The following PLCL1 variants were observed in gnomAD, a reference collection of about 807,000 sequenced individuals.
PLCL1 encodes the protein phospholipase C like 1 (inactive), also known as inactive phospholipase C-like protein 1.
PLCL1 carries 41 observed loss-of-function variants against 84.4 expected under a neutral mutation model. That is an observed-to-expected ratio of 0.49 (90% confidence interval 0.38 to 0.63). The LOEUF is 0.63. Ranked by LOEUF, PLCL1 falls within the 30% of genes least tolerant of loss-of-function variation. The probability of loss-of-function intolerance (pLI) is 0.00; values close to 1 mark genes in which losing one functional copy is unlikely to be tolerated. For missense variants in PLCL1, 1,206 were observed against 1,367.8 expected (o/e 0.88, Z 1.87); for synonymous variants, 490 against 488.3 (o/e 1.00, Z -0.05).
rs547413450 is a variant in PLCL1 at position 197,834,979 on chromosome 2, A to G, written c.240+29640A>G. Among the ~76,000 whole-genome samples the G allele has an allele frequency of 3.9e-5, 6 of 152,354 alleles. No individual in the cohort carries two copies. The South Asian group carries it at 1.2e-3, about 32-fold the overall frequency. Reference sequence around the variant, plus strand: ...GAATACTATGTAGCCATAAAAAAGGATGAGTTCATGTCCTTTGTAGAGACA... The same window carrying G: ...GAATACTATGTAGCCATAAAAAAGGGTGAGTTCATGTCCTTTGTAGAGACA... On this transcript the variant is annotated intron_variant, in intron 1 of 5. Coordinates refer to ENST00000428675, the MANE Select transcript of PLCL1 (RefSeq NM_006226.4).
chr2:198,133,702 G>A (rs1377865565), intron 5 of PLCL1, among the ~76,000 whole-genome samples: 1 of 152,080 alleles, frequency 6.6e-6, no homozygotes, highest in African/African-American at 2.4e-5. Context: ...GTCTTTCTGA[G>A]TGAGTGGTAT....
chr2:198,088,676 A>T (rs1269770799), intron 2 of PLCL1, among the ~76,000 whole-genome samples, 182 bp from the exon 3 acceptor site: 1 of 152,148 alleles, frequency 6.6e-6, no homozygotes, highest in African/African-American at 2.4e-5. Flanking sequence ...CTTGTGTCCC[A>T]CTCTGCTTTG....
rs112548807 is a variant in PLCL1 at position 197,935,415 on chromosome 2, A to T, written c.240+130076A>T. On this transcript the variant is annotated intron_variant, in intron 1 of 5. Transcript: ENST00000428675. ...AAATGTGGTGCATAGACACCATAGG[A>T]TGCTATTAATATGTAACCATAAAAA... is the stretch of plus-strand genomic sequence containing the variant. Among the ~76,000 whole-genome samples, 914 of 152,312 alleles carry T rather than the reference A, an allele frequency of 6.0e-3. 5 individuals carry two copies. The highest frequency in any genetic ancestry group is 0.021 in the African/African-American group (875 of 41,558).
chr2:198,117,939 C>G (rs1272980310), intron 5 of PLCL1, among the ~76,000 whole-genome samples: 5 of 151,776 alleles, frequency 3.3e-5, no homozygotes, highest in Non-Finnish European at 5.9e-5. Flanking sequence ...AGAATACCAT[C>G]AAAAGGAACA....
chr2:198,134,330 C>G (rs1346292425), intron 5 of PLCL1, among the ~76,000 whole-genome samples: 2 of 151,770 alleles, frequency 1.3e-5, no homozygotes, highest in Non-Finnish European at 2.9e-5. Context: ...CATTAATGAC[C>G]AAATCTCCAA....
intron 1 of PLCL1, among the ~76,000 whole-genome samples, chr2:197,818,617 A>AT (rs1217359726): frequency 2.6e-5 from 4 of 152,180 alleles, no homozygotes; most frequent in South Asian, 4.1e-4. Context: ...AATCCTCCTG[A>AT]TTCAGCCTTC....
chr2:197,909,857 T>C (rs1352014267), intron 1 of PLCL1, among the ~76,000 whole-genome samples: 1 of 152,202 alleles, frequency 6.6e-6, no homozygotes, highest in Admixed American at 6.5e-5. Context: ...TTGCAGGTAC[T>C]GTGACCTCCA....
At chr2:197,858,159 A>G (rs1327917609) in intron 1 of PLCL1, among the ~76,000 whole-genome samples, 1 of 152,174 alleles carries the variant, frequency 6.6e-6, no homozygotes, top group Non-Finnish European at 1.5e-5. Context: ...TATGTGATCT[A>G]TTGGTAGGGA....
intron 1 of PLCL1, among the ~76,000 whole-genome samples, chr2:198,059,956 C>T (rs1021954978): frequency 8.5e-5 from 13 of 152,064 alleles, no homozygotes; most frequent in African/African-American, 1.7e-4. Flanking sequence ...GGCAGGGCAG[C>T]GCAAGGTTAT....
At chr2:197,918,336 G>A (rs1688634445) in intron 1 of PLCL1, among the ~76,000 whole-genome samples, 1 of 152,170 alleles carries the variant, frequency 6.6e-6, no homozygotes, top group African/African-American at 2.4e-5. Context: ...GCGGAGACAT[G>A]TCAACTAACT....
chr2:197,912,847 T>G (rs1054393208), intron 1 of PLCL1, among the ~76,000 whole-genome samples: 1 of 140,472 alleles, frequency 7.1e-6, no homozygotes, highest in African/African-American at 2.6e-5. Context: ...ATATACCTAA[T>G]GCTAGATGAC....
chr2:197,991,831 A>G (rs1690351603), intron 1 of PLCL1, among the ~76,000 whole-genome samples: 1 of 152,016 alleles, frequency 6.6e-6, no homozygotes. Context: ...ATGGTGGGGT[A>G]TGTCATCAGA....
intron 2 of PLCL1, 117 bp from the exon 3 acceptor site, chr2:198,088,741 T>C (rs1692946003): frequency 1.3e-6 from 1 of 750,902 alleles, no homozygotes; most frequent in Non-Finnish European, 2.4e-6. Context: ...GAAGTATAGT[T>C]ATGAATTAGC....
chr2:198,123,315 A>G (rs1693914719), intron 5 of PLCL1, among the ~76,000 whole-genome samples: 1 of 152,090 alleles, frequency 6.6e-6, no homozygotes. Context: ...GTTGACTGTT[A>G]TGGACTTGAT....
intron 1 of PLCL1, among the ~76,000 whole-genome samples, chr2:197,955,264 C>G (rs1050406828): frequency 6.6e-6 from 1 of 151,986 alleles, no homozygotes; most frequent in Non-Finnish European, 1.5e-5. Flanking sequence ...TGGTGGCTTC[C>G]TAGTGCCTAC....
intron 1 of PLCL1, among the ~76,000 whole-genome samples, chr2:197,897,164 T>C (rs59361293): frequency 0.19 from 8,062 of 41,466 alleles, 537 homozygotes; most frequent in Admixed American, 0.21. Context: ...TTCTTCTTCT[T>C]CTTCTTCTTC....
At chr2:197,841,271 T>C (rs1686997871) in intron 1 of PLCL1, among the ~76,000 whole-genome samples, 1 of 152,246 alleles carries the variant, frequency 6.6e-6, no homozygotes, top group Non-Finnish European at 1.5e-5. Flanking sequence ...CTTTGTGTTG[T>C]CCATTCTGTG....
chr2:198,018,177 A>G (rs1691045271), intron 1 of PLCL1, among the ~76,000 whole-genome samples: 2 of 152,178 alleles, frequency 1.3e-5, no homozygotes, highest in Admixed American at 6.5e-5. Context: ...GGACCCTGCC[A>G]TGAGGGACAG....
At chr2:197,994,462 T>A (rs1574232068) in intron 1 of PLCL1, among the ~76,000 whole-genome samples, 2 of 152,156 alleles carry the variant, frequency 1.3e-5, no homozygotes, top group African/African-American at 4.8e-5. Flanking sequence ...GTCATCTGAG[T>A]CAGAAATGGG....
Sources: gnomAD v4.1 joint callset for allele counts (sites outside exome capture counted in the v4.1 genomes callset) on GRCh38, gnomAD v4.1.1 for gene constraint, MANE v1.5 for transcripts, NCBI Gene and HGNC (gene_info 2026-07-23, HGNC 2026-07-21) for gene names.